Variants in DPP10 observed in about 807,000 individuals in gnomAD.
DPP10 encodes inactive dipeptidyl peptidase 10.
In DPP10, 33 loss-of-function variants were observed where a neutral mutation model predicts 120.9. That is an observed-to-expected ratio of 0.27 (90% CI 0.21 to 0.37). The LOEUF is 0.37. DPP10 is among the 10% of genes least tolerant of loss of function. The probability of loss-of-function intolerance (pLI) is 1.00; values close to 1 mark genes in which losing one functional copy is unlikely to be tolerated. For missense variants in DPP10, 816 were observed against 942.8 expected, an observed-to-expected ratio of 0.87 and a Z score of 1.76; for synonymous variants, 337 against 326.1, an observed-to-expected ratio of 1.03 and a Z score of -0.36.
At chr2:115,263,543 C>A (rs1379455036) in intron 1 of DPP10, among the ~76,000 whole-genome samples, 8 of 152,332 alleles carry the variant, frequency 5.3e-5, no homozygotes, top group African/African-American at 1.9e-4. Context: ...AGTCAAGCTT[C>A]ATCCTCTTAG....
At chr2:115,166,654 T>C (rs961040156) in intron 1 of DPP10, among the ~76,000 whole-genome samples, 4 of 150,136 alleles carry the variant, frequency 2.7e-5, no homozygotes, top group Non-Finnish European at 5.9e-5. Context: ...AATATATCTA[T>C]ATATCTGTTT....
In DPP10 at chr2:115,030,026, T is replaced by C. The variant is rs75287958; in HGVS notation, c.61-279213T>C. 9.5e-3 allele frequency among the ~76,000 whole-genome samples: 1,452 copies of C among 152,266 alleles called. 51 individuals are homozygous for C. In the East Asian group the frequency reaches 0.11, roughly 11 times the overall value. Reference sequence around the variant, plus strand: ...ATTTCCAGTACTCTGCCCTATAAACTCATGCTGCTTTCACTTTCCAGGACT... The same window carrying C: ...ATTTCCAGTACTCTGCCCTATAAACCCATGCTGCTTTCACTTTCCAGGACT... On this transcript the variant is annotated intron_variant, in intron 1 of 25. Transcript: ENST00000410059.
chr2:114,616,169 T>C (rs1693660178), intron 1 of DPP10, among the ~76,000 whole-genome samples: 1 of 152,142 alleles, frequency 6.6e-6, no homozygotes, highest in Admixed American at 6.6e-5. Context: ...CTTGTAACTC[T>C]TTCTTCCCCA....
chr2:115,394,228 G>T (rs938349359), intron 3 of DPP10, among the ~76,000 whole-genome samples: 1 of 152,016 alleles, frequency 6.6e-6, no homozygotes, highest in African/African-American at 2.4e-5. Flanking sequence ...TAGTGTCTTA[G>T]ATCCTCTTAA....
At chr2:115,610,559 A>G (rs2084028533) in intron 5 of DPP10, among the ~76,000 whole-genome samples, 1 of 151,996 alleles carries the variant, frequency 6.6e-6, no homozygotes, top group Non-Finnish European at 1.5e-5. Flanking sequence ...TTACAAACAT[A>G]AAAGAGCTAC....
intron 19 of DPP10, among the ~76,000 whole-genome samples, chr2:115,803,919 T>C (rs1685583563): frequency 6.6e-6 from 1 of 152,186 alleles, no homozygotes; most frequent in Non-Finnish European, 1.5e-5. Flanking sequence ...TTGGAGTTGC[T>C]CTTCTCGAGC....
intron 5 of DPP10, among the ~76,000 whole-genome samples, chr2:115,636,804 G>T (rs528555901): frequency 6.8e-4 from 103 of 152,158 alleles, no homozygotes; most frequent in Non-Finnish European, 5.4e-4. Flanking sequence ...CAATTATGGT[G>T]GATAAATAAC....
At chr2:115,131,923 TACTAAAAAAAAA>T (rs2050380647) in intron 1 of DPP10, 1 of 146,044 alleles carries the variant, frequency 6.8e-6, no homozygotes, top group African/African-American at 2.6e-5. Context: ...ACCCTGTCTC[TACTAAAAAAAAA>T]AAAAATACAA....
At chr2:114,462,705 C>T (rs988627643) in intron 1 of DPP10, among the ~76,000 whole-genome samples, 1 of 152,156 alleles carries the variant, frequency 6.6e-6, no homozygotes, top group Non-Finnish European at 1.5e-5. Flanking sequence ...ACGCTCTTCC[C>T]CCTGCTTCGC....
At position 114,862,956 on chromosome 2, in the gene DPP10, A is replaced by G. The variant is rs545963951; in HGVS notation, c.60+420118A>G. On this transcript the variant is annotated intron_variant, in intron 1 of 25. Transcript: ENST00000410059. Reference sequence around the variant, plus strand: ...TATGGATTTATTGTGTGGTTCTCTCAGCTATTCAATAATCATGAATTAAAC... The same window carrying G: ...TATGGATTTATTGTGTGGTTCTCTCGGCTATTCAATAATCATGAATTAAAC... 1.3e-4 allele frequency among the ~76,000 whole-genome samples: 19 copies of G among 151,206 alleles called. No homozygotes were observed. In the East Asian group the frequency reaches 3.7e-3, roughly 29 times the overall value.
chr2:114,548,283 A>T (rs1375857021), intron 1 of DPP10, among the ~76,000 whole-genome samples: 1 of 152,192 alleles, frequency 6.6e-6, no homozygotes. Context: ...GGCATTCCTG[A>T]TTCCGTCATA....
At chr2:114,731,591 T>C (rs2105945297) in intron 1 of DPP10, among the ~76,000 whole-genome samples, 1 of 152,274 alleles carries the variant, frequency 6.6e-6, no homozygotes, top group South Asian at 2.1e-4. Context: ...TGGCAGATGC[T>C]TAAGGTCTTG....
intron 2 of DPP10, among the ~76,000 whole-genome samples, chr2:115,335,315 A>T (rs150572543): frequency 6.6e-6 from 1 of 152,026 alleles, no homozygotes; most frequent in African/African-American, 2.4e-5. Flanking sequence ...ATTAACTACT[A>T]TACAAATTAA....
chr2:114,714,135 CTG>C (rs1313444689), intron 1 of DPP10, among the ~76,000 whole-genome samples: 1 of 135,280 alleles, frequency 7.4e-6, no homozygotes, highest in Non-Finnish European at 1.6e-5. Flanking sequence ...ATGAGTGTGT[CTG>C]TGTGTGTTGG....
At chr2:115,456,482 A>G (rs1417303184) in intron 3 of DPP10, among the ~76,000 whole-genome samples, 2 of 152,268 alleles carry the variant, frequency 1.3e-5, no homozygotes, top group South Asian at 2.1e-4. Context: ...ATAATTATAA[A>G]TCATTTTACT....
intron 1 of DPP10, among the ~76,000 whole-genome samples, chr2:114,614,033 CT>C (rs1365512924): frequency 6.6e-6 from 1 of 151,988 alleles, no homozygotes; most frequent in Admixed American, 6.6e-5. Flanking sequence ...GGCTTAAAAT[CT>C]AGATGATGGG....
intron 19 of DPP10, among the ~76,000 whole-genome samples, chr2:115,803,757 C>T (rs1266309055): frequency 1.3e-5 from 2 of 152,144 alleles, no homozygotes; most frequent in African/African-American, 2.4e-5. Flanking sequence ...TAAATATTGG[C>T]CCCCACTATC....
chr2:115,229,644 C>G (rs899368492), intron 1 of DPP10, among the ~76,000 whole-genome samples: 2 of 151,690 alleles, frequency 1.3e-5, no homozygotes, highest in Non-Finnish European at 2.9e-5. Flanking sequence ...GGACCTTTGT[C>G]GAAAATGAAT....
At chr2:114,857,683 A>G (rs1689479971) in intron 1 of DPP10, among the ~76,000 whole-genome samples, 1 of 152,168 alleles carries the variant, frequency 6.6e-6, no homozygotes, top group Non-Finnish European at 1.5e-5. Flanking sequence ...GTTACTTTTA[A>G]TGGCAAAAAC....
Sources: allele counts gnomAD v4.1 joint callset (sites outside exome capture counted in the v4.1 genomes callset), GRCh38; gene constraint gnomAD v4.1.1; transcripts MANE v1.5; gene names NCBI Gene and HGNC (gene_info 2026-07-23, HGNC 2026-07-21).